Variants in ANO3 observed in about 807,000 individuals in gnomAD.
ANO3 encodes anoctamin-3.
In ANO3, 99 loss-of-function variants were observed where a neutral mutation model predicts 144.8. The ratio of observed to expected loss-of-function variants is 0.68; its 90% CI spans 0.58 to 0.81. The LOEUF (loss-of-function observed/expected upper bound fraction) is 0.81. Ranked by LOEUF, ANO3 falls within the 30% of genes least tolerant of loss-of-function variation. The pLI is 0.00. For synonymous variants in ANO3, 414 were observed against 392.6 expected, an observed-to-expected ratio of 1.05 and a Z score of -0.64; for missense variants, 905 against 1,202.2, an observed-to-expected ratio of 0.75 and a Z score of 3.66.
chr11:26,540,410 C>G (rs1849613962), intron 10 of ANO3, among the ~76,000 whole-genome samples: 1 of 152,004 alleles, frequency 6.6e-6, no homozygotes, highest in Non-Finnish European at 1.5e-5. Flanking sequence ...TCTCAATAAA[C>G]TAGGTATTGA....
chr11:26,317,863 G>T (rs1031943721), intron 1 of ANO3, among the ~76,000 whole-genome samples: 5 of 152,126 alleles, frequency 3.3e-5, no homozygotes, highest in African/African-American at 1.2e-4. Flanking sequence ...CAACCCAAAT[G>T]CCCATCAATG....
chr11:26,656,260 C>T, intron 25 of ANO3, 55 bp downstream of exon 25: 1 of 1,528,628 alleles, frequency 6.5e-7, no homozygotes. Context: ...GTACTCCCCC[C>T]TGCATGTTAA....
intron 2 of ANO3, among the ~76,000 whole-genome samples, chr11:26,443,109 G>A (rs181482683): frequency 6.6e-6 from 1 of 151,932 alleles, no homozygotes; most frequent in Middle Eastern, 3.2e-3. Flanking sequence ...TTATAAGAAT[G>A]CAGTCCCTTA....
At position 26,608,895 on chromosome 11, in the gene ANO3, C is replaced by G. The variant is rs1219317356; in HGVS notation, c.1836+9181C>G. Among the ~76,000 whole-genome samples, 3 of 152,192 alleles carry G rather than the reference C, an allele frequency of 2.0e-5. No homozygotes were observed. The South Asian group carries it at 6.2e-4, about 31-fold the overall frequency. On this transcript the variant is annotated intron_variant, in intron 17 of 26. Coordinates refer to ENST00000256737, the MANE Select transcript of ANO3 (RefSeq NM_031418.4). ...TGTTAGGCAGCTATTAGTCCCAGTG[C>G]TGGCTGCTGCCCGTCCTTCAAAGAG...
intron 14 of ANO3, among the ~76,000 whole-genome samples, chr11:26,571,202 G>C (rs1251043972): frequency 6.6e-6 from 1 of 152,030 alleles, no homozygotes; most frequent in East Asian, 1.9e-4. Context: ...TCTCCGAAAG[G>C]AAAGTTCTAG....
intron 14 of ANO3, chr11:26,565,786 C>G (rs779223477): frequency 6.2e-7 from 1 of 1,609,602 alleles, no homozygotes; most frequent in Non-Finnish European, 8.5e-7. Flanking sequence ...TCTTGATTTT[C>G]TTTTCCATGG....
chr11:26,642,455 G>A (rs186683044), intron 22 of ANO3, among the ~76,000 whole-genome samples: 2 of 143,880 alleles, frequency 1.4e-5, no homozygotes, highest in Admixed American at 7.1e-5. Context: ...GGGTTCAAGC[G>A]ATTCTCCTAC....
chr11:26,298,818 T>C (rs1450081889), intron 1 of ANO3, among the ~76,000 whole-genome samples: 1 of 152,146 alleles, frequency 6.6e-6, no homozygotes, highest in African/African-American at 2.4e-5. Context: ...TGTTGTGAGA[T>C]AGAAGAGTCA....
chr11:26,231,684 T>C (rs1852403037), intron 1 of ANO3, among the ~76,000 whole-genome samples: 1 of 152,228 alleles, frequency 6.6e-6, no homozygotes, highest in Non-Finnish European at 1.5e-5. Flanking sequence ...TTAAGTTCTC[T>C]ATGCCTCAAT....
chr11:26,590,588 G>A (rs1437441950), intron 14 of ANO3, among the ~76,000 whole-genome samples: 2 of 152,194 alleles, frequency 1.3e-5, no homozygotes, highest in African/African-American at 2.4e-5. Context: ...GGGCCCTGTG[G>A]TGAGTGCTAT....
chr11:26,407,076 G>GTGTGTGTGTA (rs1304651169), intron 1 of ANO3, among the ~76,000 whole-genome samples: 11 of 101,486 alleles, frequency 1.1e-4, no homozygotes, highest in African/African-American at 3.2e-4. Context: ...GTGTGTGTGT[G>GTGTGTGTGTA]TATATATATA....
intron 17 of ANO3, among the ~76,000 whole-genome samples, chr11:26,614,129 A>G (rs1434964109): frequency 6.6e-6 from 1 of 152,182 alleles, no homozygotes; most frequent in Non-Finnish European, 1.5e-5. Context: ...ACATGAACAT[A>G]TGCAGGTGTT....
rs1311227049 is a variant in ANO3, at chr11:26,415,081, T to TGTGC, written c.47-26834_47-26833insCGTG. ...ATGTGTGTGTGTGTGTGTGTGTGTGTGTGTGTGTTTGGGAGTGAGTGTGAG... is the reference window on the plus strand; with the variant it reads ...ATGTGTGTGTGTGTGTGTGTGTGTGTGTGCGTGTGTGTTTGGGAGTGAGTGTGAG... On this transcript the variant is annotated intron_variant, in intron 1 of 26. Transcript: ENST00000256737. Among the ~76,000 whole-genome samples, 6 of 151,704 alleles carry TGTGC rather than the reference T, an allele frequency of 4.0e-5. No homozygotes were observed. The East Asian group carries it at 1.2e-3, about 30-fold the overall frequency.
intron 1 of ANO3, among the ~76,000 whole-genome samples, chr11:26,268,709 G>A (rs1853369942): frequency 6.6e-6 from 1 of 152,130 alleles, no homozygotes; most frequent in Non-Finnish European, 1.5e-5. Context: ...AACTCTCCTA[G>A]TTCTAGATCA....
At chr11:26,614,469 C>A (rs994275689) in intron 17 of ANO3, among the ~76,000 whole-genome samples, 3 of 152,282 alleles carry the variant, frequency 2.0e-5, no homozygotes, top group African/African-American at 7.2e-5. Flanking sequence ...TCAATTGATA[C>A]TGATCCCCAG....
At chr11:26,402,509 T>A (rs1590330266) in intron 1 of ANO3, among the ~76,000 whole-genome samples, 1 of 152,118 alleles carries the variant, frequency 6.6e-6, no homozygotes, top group African/African-American at 2.4e-5. Flanking sequence ...TTTAAGTTCC[T>A]TATAGATACT....
At chr11:26,500,069 T>A (rs1051367074) in intron 4 of ANO3, among the ~76,000 whole-genome samples, 8 of 151,568 alleles carry the variant, frequency 5.3e-5, no homozygotes, top group Non-Finnish European at 7.4e-5. Context: ...TAATTGTGTA[T>A]GTGTGTGAGT....
intron 1 of ANO3, among the ~76,000 whole-genome samples, chr11:26,260,210 T>C (rs1258298251): frequency 6.6e-6 from 1 of 152,128 alleles, no homozygotes; most frequent in Non-Finnish European, 1.5e-5. Flanking sequence ...AGACCCACTA[T>C]TCTGTGGCTG....
intron 14 of ANO3, among the ~76,000 whole-genome samples, chr11:26,564,144 A>G (rs1463570786): frequency 6.6e-6 from 1 of 151,800 alleles, no homozygotes; most frequent in African/African-American, 2.4e-5. Flanking sequence ...TAGCAATGGT[A>G]AGAGTAAGTA....
Sources: gnomAD v4.1 joint callset for allele counts (sites outside exome capture counted in the v4.1 genomes callset) on GRCh38, gnomAD v4.1.1 for gene constraint, MANE v1.5 for transcripts, NCBI Gene and HGNC (gene_info 2026-07-23, HGNC 2026-07-21) for gene names.